PSD3: variants seen among roughly 807,000 people sequenced by gnomAD.
PSD3 encodes the protein pleckstrin and Sec7 domain containing 3, also known as PH and SEC7 domain-containing protein 3.
A neutral mutation model predicts 105.5 loss-of-function variants in PSD3; 49 were observed. The observed-to-expected ratio is 0.46, with a 90% CI of 0.37 to 0.59. The LOEUF is 0.59. Among genes scored for constraint, PSD3 ranks in the 20% least tolerant of loss-of-function variants. The pLI, the probability that PSD3 is intolerant of heterozygous loss-of-function variation, is 0.00. For missense variants in PSD3, 1,561 were observed against 1,263.8 expected, an observed-to-expected ratio of 1.24 and a Z score of -3.57; for synonymous variants, 557 against 457.8, an observed-to-expected ratio of 1.22 and a Z score of -2.77.
At chr8:18,851,636 G>A (rs921369975) in intron 4 of PSD3, among the ~76,000 whole-genome samples, 1 of 152,200 alleles carries the variant, frequency 6.6e-6, no homozygotes, top group African/African-American at 2.4e-5. Flanking sequence ...CTGTGCAGGC[G>A]GTTCCCATCA....
Position 18,629,222 on chromosome 8 carries a change from T to A in PSD3, c.2410+3391A>T, listed in dbSNP as rs559261394. On this transcript the variant is annotated intron_variant, in intron 11 of 15. Transcript: ENST00000327040. Reference sequence around the variant, plus strand: ...CGGACGTCATTTCATGACAAAGGGGTCAAATCATCAGGAAGACATAATATA... The same window carrying A: ...CGGACGTCATTTCATGACAAAGGGGACAAATCATCAGGAAGACATAATATA... 5.9e-5 allele frequency among the ~76,000 whole-genome samples: 9 copies of A among 151,880 alleles called. No homozygotes were observed. The East Asian group carries it at 1.7e-3, about 29-fold the overall frequency.
chr8:18,536,938 A>G (rs1317583949), intron 15 of PSD3, among the ~76,000 whole-genome samples: 4 of 152,242 alleles, frequency 2.6e-5, no homozygotes, highest in Non-Finnish European at 5.9e-5. Context: ...ACCAAAGAAC[A>G]TGTCAGATAT....
intron 9 of PSD3, among the ~76,000 whole-genome samples, chr8:18,742,500 C>T (rs1448201676): frequency 6.6e-6 from 1 of 152,094 alleles, no homozygotes; most frequent in Non-Finnish European, 1.5e-5. Context: ...TAAATATAAG[C>T]ATATTCTTTG....
rs147338033 is a variant in PSD3 at position 18,863,073 on chromosome 8, T to A, written c.1634+4601A>T. Among the ~76,000 whole-genome samples the A allele has an allele frequency of 7.9e-5, 12 of 152,246 alleles. No individual in the cohort carries two copies. The East Asian group carries it at 1.9e-3, about 24-fold the overall frequency. ...GGAAGCTTAGATATAAAATAGATCA[T>A]CACGCTACAAAGGTTATTTCAAAAA... is the stretch of plus-strand genomic sequence containing the variant. On this transcript the variant is annotated intron_variant, in intron 4 of 15. Transcript: ENST00000327040.
In PSD3 at chr8:18,535,780, C is replaced by T. The variant is rs763433107; in HGVS notation, c.3107G>A (p.Arg1036Gln). ...TTGCTTAATGCTTGGTGTTTCAGGTCGGTGATCCTTCCTCTCTGACACGTT... is the reference window on the plus strand; with the variant it reads ...TTGCTTAATGCTTGGTGTTTCAGGTTGGTGATCCTTCCTCTCTGACACGTT... ...KRNVSERKDHRPETPSIKQKV... is the reference protein window; with the variant it reads ...KRNVSERKDHQPETPSIKQKV... The change falls in exon 16 of 16, where the codon CGA becomes CAA. Residue 1036 changes from arginine (R) to glutamine (Q), a missense_variant. Physicochemically the swap from Arg to Gln is conservative, Grantham distance 43. Transcript: ENST00000327040. The T allele has an allele frequency of 1.1e-5, 18 of 1,613,822 alleles. No homozygotes were observed. The highest frequency in any genetic ancestry group is 1.6e-4 in the Middle Eastern group (1 of 6,082).
At chr8:18,605,074 T>A (rs985371746) in intron 11 of PSD3, among the ~76,000 whole-genome samples, 2 of 152,196 alleles carry the variant, frequency 1.3e-5, no homozygotes, top group Non-Finnish European at 2.9e-5. Flanking sequence ...ACTGGGGTGC[T>A]ACCTAGTGGA....
At chr8:19,005,970 T>G (rs1389865785) in intron 1 of PSD3, among the ~76,000 whole-genome samples, 1 of 151,832 alleles carries the variant, frequency 6.6e-6, no homozygotes, top group Non-Finnish European at 1.5e-5. Context: ...AGCCTCAATT[T>G]CACCCTCTGA....
chr8:18,844,239 G>C (rs1814895215), intron 4 of PSD3, among the ~76,000 whole-genome samples: 1 of 152,118 alleles, frequency 6.6e-6, no homozygotes, highest in African/African-American at 2.4e-5. Context: ...ACCATGGAAA[G>C]AAAGAAAATA....
chr8:18,672,043 A>T (rs1799815980), intron 9 of PSD3, among the ~76,000 whole-genome samples: 1 of 152,192 alleles, frequency 6.6e-6, no homozygotes, highest in Non-Finnish European at 1.5e-5. Context: ...ACATAACCAT[A>T]ACCAGTATTT....
chr8:18,836,603 C>T (rs1023552859), intron 4 of PSD3, among the ~76,000 whole-genome samples: 6 of 152,122 alleles, frequency 3.9e-5, no homozygotes, highest in African/African-American at 1.4e-4. Flanking sequence ...GGGATTAGTT[C>T]CAGGGTCCTT....
chr8:18,953,316 T>TTG (rs34547370), intron 1 of PSD3, among the ~76,000 whole-genome samples: 73 of 151,514 alleles, frequency 4.8e-4, no homozygotes, highest in South Asian at 4.4e-3. Flanking sequence ...TGTGTGTATG[T>TTG]TGTGTGTGTG....
chr8:18,639,840 C>T (rs923808811), intron 10 of PSD3, among the ~76,000 whole-genome samples: 3 of 152,156 alleles, frequency 2.0e-5, no homozygotes, highest in Non-Finnish European at 4.4e-5. Context: ...ATCACTTTTG[C>T]AGATGGGAGT....
chr8:19,066,505 G>C (rs566933777), intron 1 of PSD3, among the ~76,000 whole-genome samples: 3 of 152,190 alleles, frequency 2.0e-5, no homozygotes, highest in Non-Finnish European at 4.4e-5. Flanking sequence ...CTTCCAGGGT[G>C]CTTTTTGCAC....
At chr8:19,004,215 G>A (rs1035897779) in intron 1 of PSD3, among the ~76,000 whole-genome samples, 1 of 152,036 alleles carries the variant, frequency 6.6e-6, no homozygotes, top group East Asian at 1.9e-4. Flanking sequence ...AGTCTCCAGA[G>A]AACTGGCTTC....
intron 2 of PSD3, among the ~76,000 whole-genome samples, chr8:18,877,532 T>C (rs1817802861): frequency 6.9e-6 from 1 of 145,480 alleles, no homozygotes; most frequent in African/African-American, 2.6e-5. Context: ...TTGAGCTAGA[T>C]GCCTATCTTT....
chr8:18,804,309 T>G (rs1810997464), intron 6 of PSD3: 2 of 422,598 alleles, frequency 4.7e-6, no homozygotes, highest in South Asian at 1.3e-4. Context: ...TTTGGGATGT[T>G]CACTTGGATA....
intron 10 of PSD3, among the ~76,000 whole-genome samples, chr8:18,635,273 C>G (rs559860035): frequency 6.6e-6 from 1 of 152,106 alleles, no homozygotes; most frequent in South Asian, 2.1e-4. Flanking sequence ...CTCCAAGGAG[C>G]CTTGGTTCTT....
Position 18,572,627 on chromosome 8 carries a change from C to T in PSD3, c.2685G>A (p.Val895=). 1 of 1,614,024 alleles carries T rather than the reference C, an allele frequency of 6.2e-7. No homozygotes were observed. Among genetic ancestry groups the T allele is most frequent in the Non-Finnish European group, 8.5e-7 (1 of 1,179,914 alleles). ...ATGGTGGTGCAGAAAATACAGCTGC[C>T]ACACAATTGATTTTGTTTATCCACC... The part of the protein sequence containing the change: ...MQGWINKINC[V]AAVFSAPPFP... The change falls in exon 14 of 16, where the codon GTG becomes GTA. Residue 895 remains valine, a synonymous_variant. Coordinates refer to ENST00000327040, the MANE Select transcript of PSD3 (RefSeq NM_015310.4).
intron 9 of PSD3, among the ~76,000 whole-genome samples, chr8:18,731,149 G>A (rs1351186386): frequency 3.3e-5 from 5 of 151,986 alleles, no homozygotes; most frequent in Admixed American, 2.0e-4. Context: ...CCAGCTACTC[G>A]GGAGCCTGAG....
Sources: allele counts gnomAD v4.1 joint callset (sites outside exome capture counted in the v4.1 genomes callset), GRCh38; gene constraint gnomAD v4.1.1; transcripts MANE v1.5; gene names NCBI Gene and HGNC (gene_info 2026-07-23, HGNC 2026-07-21).